Variants in CCDC169 observed in about 807,000 individuals in gnomAD.
The protein encoded by CCDC169 is coiled-coil domain-containing protein 169.
CCDC169 carries 30 observed loss-of-function variants against 36.0 expected under a neutral mutation model. That is an observed-to-expected ratio of 0.83 (90% CI 0.62 to 1.13). The LOEUF (loss-of-function observed/expected upper bound fraction) is 1.13, where lower values mean the gene tolerates loss of function less well. Ranked by LOEUF, CCDC169 falls within the 50% of genes most tolerant of loss-of-function variation. The pLI, the probability that CCDC169 is intolerant of heterozygous loss-of-function variation, is 0.00. For missense variants in CCDC169, 245 were observed against 245.9 expected (o/e 1.00, Z 0.03); for synonymous variants, 85 against 81.5 (o/e 1.04, Z -0.23).
At chr13:36,264,073 A>G (rs1435291978) in intron 4 of CCDC169, among the ~76,000 whole-genome samples, 4 of 152,198 alleles carry the variant, frequency 2.6e-5, no homozygotes, top group Non-Finnish European at 5.9e-5. Context: ...TCTAAGTTCT[A>G]AAAGAAGTTA....
intron 2 of CCDC169, 84 bp downstream of exon 2, chr13:36,295,694 A>G: frequency 1.5e-6 from 1 of 668,292 alleles, no homozygotes; most frequent in Non-Finnish European, 2.5e-6. Context: ...TATTCAATAT[A>G]TGGAATTTAA....
downstream of CCDC169, among the ~76,000 whole-genome samples, chr13:36,230,500 A>G (rs9315395): frequency 0.4 from 61,332 of 151,794 alleles, 13,118 homozygotes; most frequent in Non-Finnish European, 0.48. Flanking sequence ...ATTACCACAC[A>G]TCACAAAATG....
chr13:36,232,022 A>T (rs1248243113), intron 7 of CCDC169, among the ~76,000 whole-genome samples: 1 of 152,198 alleles, frequency 6.6e-6, no homozygotes, highest in Non-Finnish European at 1.5e-5. Context: ...AAACCCTGGA[A>T]ATTAACGAAA....
downstream of CCDC169, among the ~76,000 whole-genome samples, chr13:36,230,593 A>C (rs1314134458): frequency 1.3e-5 from 2 of 152,194 alleles, no homozygotes; most frequent in Admixed American, 6.5e-5. Flanking sequence ...AAACCTCAGA[A>C]AGTGTATAGT....
chr13:36,245,888 A>G (rs1181773732), intron 7 of CCDC169, among the ~76,000 whole-genome samples: 1 of 152,198 alleles, frequency 6.6e-6, no homozygotes, highest in Non-Finnish European at 1.5e-5. Context: ...TATCTGCATC[A>G]TATTTTGGTA....
intron 4 of CCDC169, among the ~76,000 whole-genome samples, chr13:36,281,523 A>T (rs1040539316): frequency 5.3e-5 from 8 of 152,186 alleles, no homozygotes; most frequent in Non-Finnish European, 1.0e-4. Flanking sequence ...TTATGTGAAT[A>T]ATTTTTTCTA....
chr13:36,258,708 T>C (rs868187135), intron 4 of CCDC169, among the ~76,000 whole-genome samples: 1 of 151,724 alleles, frequency 6.6e-6, no homozygotes, highest in Admixed American at 6.6e-5. Context: ...TCCTTTAGCA[T>C]ATAATCAAGA....
intron 7 of CCDC169, chr13:36,244,597 C>G (rs2138433773): frequency 6.6e-6 from 1 of 151,582 alleles, no homozygotes; most frequent in African/African-American, 2.4e-5. Context: ...GCTTTGTATT[C>G]CTTAGCTATA....
chr13:36,293,342 T>C (rs1210912998), intron 2 of CCDC169, among the ~76,000 whole-genome samples: 7 of 152,190 alleles, frequency 4.6e-5, no homozygotes, highest in African/African-American at 1.4e-4. Flanking sequence ...TTTTTATCAA[T>C]TACTTAGCAT....
exon 1 of CCDC169, chr13:36,297,810 GCGGTGAA>G: frequency 7.9e-7 from 1 of 1,262,594 alleles, no homozygotes; most frequent in Non-Finnish European, 1.1e-6. Flanking sequence ...ACGGCACGAG[GCGGTGAA>G]CCCCAACCGC....
intron 4 of CCDC169, among the ~76,000 whole-genome samples, chr13:36,265,376 T>A (rs1363730180): frequency 6.6e-6 from 1 of 152,220 alleles, no homozygotes; most frequent in African/African-American, 2.4e-5. Flanking sequence ...CTAACTGAAA[T>A]GAAAAGAATG....
At chr13:36,266,856 G>T (rs1254103783) in intron 4 of CCDC169, among the ~76,000 whole-genome samples, 2 of 152,172 alleles carry the variant, frequency 1.3e-5, no homozygotes, top group Non-Finnish European at 2.9e-5. Context: ...AATCAGAACA[G>T]ATCCTGCTAC....
At chr13:36,257,708 A>C (rs1038568433) in intron 4 of CCDC169, among the ~76,000 whole-genome samples, 1 of 150,998 alleles carries the variant, frequency 6.6e-6, no homozygotes, top group African/African-American at 2.4e-5. Context: ...ACTAAAAAAA[A>C]AGAAAAAAAG....
At position 36,255,659 on chromosome 13, in the gene CCDC169, T is replaced by TAAAAAAA. The variant is rs3083965; in HGVS notation, c.316-1523_316-1517dup. 2.6e-3 allele frequency among the ~76,000 whole-genome samples: 321 copies of TAAAAAAA among 124,506 alleles called. 3 individuals are homozygous for TAAAAAAA. The highest frequency in any genetic ancestry group is 8.4e-3 in the African/African-American group (273 of 32,358). The allele number at this position is 124,506 out of a possible 152,430, so 81.7% of individuals were successfully genotyped here. On this transcript the variant is annotated intron_variant, in intron 4 of 7. Transcript: ENST00000239859. ...AGCTGAGTGACAGAGCAAGGCTCCA[T>TAAAAAAA]AAAAAAAAAAAAAAAAAAGAGGCCT...
At chr13:36,234,463 T>C (rs1870834156) in intron 7 of CCDC169, among the ~76,000 whole-genome samples, 1 of 152,124 alleles carries the variant, frequency 6.6e-6, no homozygotes, top group Admixed American at 6.5e-5. Context: ...CAAATTTCAT[T>C]AAAAATATTG....
At chr13:36,231,380 T>C (rs1870405368) in intron 7 of CCDC169, 88 bp from the exon 8 acceptor site, 2 of 1,275,094 alleles carry the variant, frequency 1.6e-6, no homozygotes, top group East Asian at 2.6e-5. Flanking sequence ...AAATGTATAT[T>C]GCACCTTGTT....
intron 7 of CCDC169, among the ~76,000 whole-genome samples, chr13:36,245,451 A>C (rs1378862151): frequency 6.6e-6 from 1 of 150,798 alleles, no homozygotes; most frequent in Non-Finnish European, 1.5e-5. Context: ...AGTGCACACC[A>C]TCACACCCAG....
downstream of CCDC169, chr13:36,223,362 A>T (rs1193580694): frequency 1.3e-5 from 2 of 152,156 alleles, no homozygotes; most frequent in Non-Finnish European, 2.9e-5. Context: ...AGCAATTTCA[A>T]CGATGATAAA....
At chr13:36,239,503 T>G (rs1465133935) in intron 7 of CCDC169, among the ~76,000 whole-genome samples, 1 of 152,184 alleles carries the variant, frequency 6.6e-6, no homozygotes, top group Non-Finnish European at 1.5e-5. Context: ...TTCCAAATTA[T>G]TGTCATATGT....
Sources: gnomAD v4.1 joint callset for allele counts (sites outside exome capture counted in the v4.1 genomes callset) on GRCh38, gnomAD v4.1.1 for gene constraint, MANE v1.5 for transcripts, NCBI Gene and HGNC (gene_info 2026-07-23, HGNC 2026-07-21) for gene names.